Variants in HDGFL3 observed in about 807,000 individuals in gnomAD.
The protein encoded by HDGFL3 is hepatoma-derived growth factor-related protein 3.
In HDGFL3, 6 loss-of-function variants were observed where a neutral mutation model predicts 27.6. The observed-to-expected ratio is 0.22, with a 90% CI of 0.12 to 0.43. The LOEUF (loss-of-function observed/expected upper bound fraction) is 0.43. Ranked by LOEUF, HDGFL3 falls within the 20% of genes least tolerant of loss-of-function variation. HDGFL3 has a pLI of 1.00. For synonymous variants in HDGFL3, 88 were observed against 88.9 expected, an observed-to-expected ratio of 0.99 and a Z score of 0.05; for missense variants, 207 against 250.1, an observed-to-expected ratio of 0.83 and a Z score of 1.16.
At chr15:83,202,303 G>T (rs908953145) in intron 1 of HDGFL3, among the ~76,000 whole-genome samples, 2 of 152,174 alleles carry the variant, frequency 1.3e-5, no homozygotes, top group African/African-American at 4.8e-5. Context: ...TATATAAATA[G>T]GAAGGTCAAA....
intron 5 of HDGFL3, among the ~76,000 whole-genome samples, chr15:83,150,435 GAACA>G (rs1329946155): frequency 2.6e-5 from 4 of 152,054 alleles, no homozygotes; most frequent in African/African-American, 9.7e-5. Flanking sequence ...AGGAATAAGA[GAACA>G]ATCAGAATCA....
intron 2 of HDGFL3, 144 bp downstream of exon 2, chr15:83,163,855 A>G (rs1289178091): frequency 1.6e-6 from 1 of 612,754 alleles, no homozygotes; most frequent in South Asian, 2.0e-5. Context: ...TATTTACATT[A>G]ACAAAAATAC....
chr15:83,169,491 A>T (rs1436719346), intron 1 of HDGFL3, among the ~76,000 whole-genome samples: 1 of 148,336 alleles, frequency 6.7e-6, no homozygotes, highest in Non-Finnish European at 1.5e-5. Flanking sequence ...CTCTTCGCTG[A>T]TGATAGAGTC....
chr15:83,115,381 G>C (rs1041937338), exon 4 of HDGFL3: 1 of 305,636 alleles, frequency 3.3e-6, no homozygotes, highest in African/African-American at 2.2e-5. Context: ...GCCTCCCAAA[G>C]TGCTGGGATT....
Position 83,164,072 on chromosome 15 carries a change from C to T in HDGFL3, c.88G>A (p.Asp30Asn). 1.9e-6 allele frequency: 3 copies of T among 1,601,472 alleles called. No homozygotes were observed. The highest frequency in any genetic ancestry group is 2.6e-6 in the Non-Finnish European group (3 of 1,173,662). Residue 30 changes from aspartate to asparagine, a missense_variant, in exon 2 of 6, where the codon GAT becomes AAT. Physicochemically the swap from Asp to Asn is conservative, Grantham distance 23 (BLOSUM62 1). Transcript: ENST00000299633. ...TTCACAGCGCCCTCTGGGAGTTCAT[C>T]AATCTATGAAAGATACATTTAGTTA... is the stretch of plus-strand genomic sequence containing the variant. The part of the protein sequence containing the change: ...KGYPHWPARI[D>N]ELPEGAVKPP...
chr15:83,169,599 C>T (rs1345779854), intron 1 of HDGFL3, among the ~76,000 whole-genome samples: 6 of 151,702 alleles, frequency 4.0e-5, no homozygotes, highest in Non-Finnish European at 7.4e-5. Context: ...GTCAGGAGTT[C>T]GAGACCAGTC....
intron 2 of HDGFL3, among the ~76,000 whole-genome samples, chr15:83,158,408 G>C (rs1596551823): frequency 6.6e-6 from 1 of 152,266 alleles, no homozygotes; most frequent in East Asian, 1.9e-4. Flanking sequence ...CCACAGGTAA[G>C]GGTTTTGTGA....
intron 2 of HDGFL3, among the ~76,000 whole-genome samples, chr15:83,163,371 C>G (rs761978587): frequency 1.3e-5 from 2 of 152,086 alleles, no homozygotes; most frequent in African/African-American, 2.4e-5. Flanking sequence ...TTTGTTTTAG[C>G]GGTTAATGAC....
intron 1 of HDGFL3, among the ~76,000 whole-genome samples, chr15:83,196,843 T>G (rs1477898875): frequency 6.6e-6 from 1 of 152,202 alleles, no homozygotes; most frequent in Admixed American, 6.5e-5. Flanking sequence ...TTAAAGCCTG[T>G]TGGCATCTAT....
At chr15:83,113,157 T>A (rs970419532) in exon 4 of HDGFL3, 15 of 544,164 alleles carry the variant, frequency 2.8e-5, no homozygotes, top group African/African-American at 2.7e-4. Context: ...AACCCCAGCA[T>A]GCTTTGACCT....
chr15:83,138,898 G>A lies in HDGFL3; in HGVS notation c.*372C>T, dbSNP rs1157650596. 1 of 163,008 alleles carries A rather than the reference G, an allele frequency of 6.1e-6. No homozygotes were observed. The highest frequency in any genetic ancestry group is 1.3e-5 in the Non-Finnish European group (1 of 75,436). The allele number at this position is 163,008 out of a possible 1,614,324, so 10.1% of individuals were successfully genotyped here. ...TATGTTGAGTGGTCATCTAAAAAAT[G>A]TTAATTTATATTTAACTGAGTGTTT... On this transcript the variant is annotated 3_prime_UTR_variant, in exon 6 of 6. Coordinates refer to ENST00000299633, the MANE Select transcript of HDGFL3 (RefSeq NM_016073.4).
chr15:83,156,787 G>A (rs2037035316), intron 4 of HDGFL3, among the ~76,000 whole-genome samples: 1 of 151,982 alleles, frequency 6.6e-6, no homozygotes, highest in Non-Finnish European at 1.5e-5. Context: ...TCCGCCTCCT[G>A]GGTTCATGCC....
intron 1 of HDGFL3, chr15:83,169,265 A>C (rs941961582): frequency 4.5e-6 from 2 of 440,266 alleles, no homozygotes; most frequent in African/African-American, 4.1e-5. Flanking sequence ...GCCAGTCAGA[A>C]CAATCAGGCA....
intron 5 of HDGFL3, among the ~76,000 whole-genome samples, chr15:83,140,589 C>G (rs1371912407): frequency 6.8e-6 from 1 of 147,374 alleles, no homozygotes; most frequent in Non-Finnish European, 1.5e-5. Context: ...TCAAGTGATT[C>G]TCCTGCCTCA....
intron 1 of HDGFL3, among the ~76,000 whole-genome samples, chr15:83,172,975 G>C (rs545811681): frequency 7.9e-5 from 12 of 152,280 alleles, no homozygotes; most frequent in South Asian, 6.2e-4. Flanking sequence ...AGGATTGGCA[G>C]AGGTGGAAGA....
intron 1 of HDGFL3, among the ~76,000 whole-genome samples, chr15:83,194,892 T>C (rs555125153): frequency 1.3e-5 from 2 of 152,300 alleles, no homozygotes; most frequent in African/African-American, 4.8e-5. Flanking sequence ...TCTCAGAAGG[T>C]ACTATCATTT....
chr15:83,197,003 TG>T (rs2037577977), intron 1 of HDGFL3, among the ~76,000 whole-genome samples: 1 of 152,240 alleles, frequency 6.6e-6, no homozygotes, highest in African/African-American at 2.4e-5. Context: ...GCACTACTTT[TG>T]TCATTTGCTT....
At position 83,136,889 on chromosome 15, in the gene HDGFL3, A is replaced by G. The variant is rs1047989715; in HGVS notation, c.*2381T>C. On this transcript the variant is annotated 3_prime_UTR_variant, in exon 6 of 6. Transcript: ENST00000299633. ...CAGTTTGTTTAAAGAAATATATTCAAAATCATTTGTGAATAAACTTGATCA... is the reference window on the plus strand; with the variant it reads ...CAGTTTGTTTAAAGAAATATATTCAGAATCATTTGTGAATAAACTTGATCA... 4 of 369,372 alleles carry G rather than the reference A, an allele frequency of 1.1e-5. No individual in the cohort carries two copies. Among genetic ancestry groups the G allele is most frequent in the Non-Finnish European group, 1.9e-5 (4 of 205,372 alleles). The allele number at this position is 369,372 out of a possible 1,614,324, so 22.9% of individuals were successfully genotyped here. A position where few individuals can be genotyped will look rare whatever the true frequency, so the allele number is the denominator to read the frequency against.
intron 1 of HDGFL3, among the ~76,000 whole-genome samples, chr15:83,183,751 C>T (rs1174023459): frequency 6.9e-6 from 1 of 144,006 alleles, no homozygotes; most frequent in Non-Finnish European, 1.5e-5. Context: ...GAGTGAGACT[C>T]CATCTCAAAA....
Sources: gnomAD v4.1 joint callset for allele counts (sites outside exome capture counted in the v4.1 genomes callset) on GRCh38, gnomAD v4.1.1 for gene constraint, MANE v1.5 for transcripts, NCBI Gene and HGNC (gene_info 2026-07-23, HGNC 2026-07-21) for gene names.